Variants in FRRS1L observed in about 807,000 individuals in gnomAD.
The protein encoded by FRRS1L is ferric chelate reductase 1 like.
FRRS1L carries 22 observed loss-of-function variants against 28.6 expected under a neutral mutation model. The ratio of observed to expected loss-of-function variants is 0.77; its 90% CI spans 0.55 to 1.10. The LOEUF (loss-of-function observed/expected upper bound fraction) is 1.10. Ranked by LOEUF, FRRS1L falls within the 50% of genes least tolerant of loss-of-function variation. FRRS1L has a pLI of 0.00. For synonymous variants in FRRS1L, 158 were observed against 151.4 expected (o/e 1.04, Z -0.32); for missense variants, 380 against 386.9 (o/e 0.98, Z 0.15).
intron 1 of FRRS1L, among the ~76,000 whole-genome samples, chr9:109,164,361 T>G (rs1217572784): frequency 6.6e-6 from 1 of 150,970 alleles, no homozygotes; most frequent in African/African-American, 2.4e-5. Context: ...ACATTTCAGA[T>G]AAAGCAGTTG....
At chr9:109,146,225 T>TA (rs1564231023) in intron 3 of FRRS1L, among the ~76,000 whole-genome samples, 4 of 142,962 alleles carry the variant, frequency 2.8e-5, no homozygotes, top group African/African-American at 5.0e-5. Context: ...ACAAATAAAT[T>TA]AAATAAATAA....
At chr9:109,165,759 C>T (rs186426507) in intron 1 of FRRS1L, among the ~76,000 whole-genome samples, 17 of 152,258 alleles carry the variant, frequency 1.1e-4, no homozygotes, top group African/African-American at 3.6e-4. Flanking sequence ...ATGAAACTTC[C>T]GAGTAATCCC....
chr9:109,167,037 A>T lies in FRRS1L; in HGVS notation c.102T>A (p.Gly34=). Reference sequence around the variant, plus strand: ...GGGGTCCCCGGCCCCCCGGGCCCGCACCGTCGTCCGCGGGGCTGGCTGCGC... The same window carrying T: ...GGGGTCCCCGGCCCCCCGGGCCCGCTCCGTCGTCCGCGGGGCTGGCTGCGC... ...AACAASPADD[G]AGPGGRGPRG... is the part of the protein sequence containing the mutation. Residue 34 remains glycine (G), a synonymous_variant, in exon 1 of 5, where the codon GGT becomes GGA. Coordinates refer to ENST00000561981, the MANE Select transcript of FRRS1L (RefSeq NM_014334.4). 8.3e-7 allele frequency: 1 copy of T among 1,200,764 alleles called. No homozygotes were observed. Among genetic ancestry groups the T allele is most frequent in the East Asian group, 3.6e-5 (1 of 27,584 alleles). 74.4% of individuals were successfully genotyped at this position (1,200,764 alleles called of 1,614,324 possible). A position where few individuals can be genotyped will look rare whatever the true frequency, so the allele number is the denominator to read the frequency against.
intron 1 of FRRS1L, chr9:109,152,240 C>G (rs1307465853): frequency 6.6e-6 from 1 of 152,086 alleles, no homozygotes; most frequent in East Asian, 1.9e-4. Flanking sequence ...ACCTCTGCCT[C>G]TTGGGTTCAA....
At chr9:109,154,328 T>C (rs181238103) in intron 1 of FRRS1L, among the ~76,000 whole-genome samples, 1 of 152,366 alleles carries the variant, frequency 6.6e-6, no homozygotes, top group Admixed American at 6.5e-5. Flanking sequence ...GTCCCGCAAC[T>C]TCTTGCTTAG....
chr9:109,141,402 G>A lies in FRRS1L; in HGVS notation c.650C>T (p.Thr217Ile). The A allele has an allele frequency of 6.2e-7, 1 of 1,614,016 alleles. No individual in the cohort carries two copies. The highest frequency in any genetic ancestry group is 8.5e-7 in the Non-Finnish European group (1 of 1,179,928). ...CCAACTCAAATGCAGATCAACAATT[G>A]TTTCATCTCTGGGAACATTCACAGG... ...KRPVNVPRDE[T>I]IVDLHLSWYY... Residue 217 changes from threonine (T) to isoleucine (I), a missense_variant, in exon 4 of 5, where the codon ACA (threonine) becomes ATA (isoleucine). Transcript: ENST00000561981.
intron 4 of FRRS1L, 32 bp from the exon 5 acceptor site, chr9:109,137,659 T>C (rs763038356): frequency 2.1e-6 from 3 of 1,416,514 alleles, no homozygotes; most frequent in Non-Finnish European, 2.9e-6. Flanking sequence ...GCAGGGGCAA[T>C]TGAAAAAAGA....
At chr9:109,156,556 T>C (rs931009390) in intron 1 of FRRS1L, among the ~76,000 whole-genome samples, 18 of 152,144 alleles carry the variant, frequency 1.2e-4, no homozygotes, top group Non-Finnish European at 1.9e-4. Flanking sequence ...GCCCGGCTAA[T>C]TTTTTTGTAC....
intron 4 of FRRS1L, chr9:109,139,459 T>TA (rs1831154211): frequency 1.3e-5 from 2 of 152,246 alleles, no homozygotes; most frequent in African/African-American, 4.8e-5. Context: ...TTCAAATACT[T>TA]GTTTTCACTT....
chr9:109,163,071 C>T (rs1229001052), intron 1 of FRRS1L, among the ~76,000 whole-genome samples: 1 of 152,240 alleles, frequency 6.6e-6, no homozygotes, highest in Non-Finnish European at 1.5e-5. Context: ...ACCTGGCCAT[C>T]TTAGCAGCAG....
chr9:109,143,497 C>G (rs1460471168), intron 3 of FRRS1L, among the ~76,000 whole-genome samples: 1 of 148,050 alleles, frequency 6.8e-6, no homozygotes, highest in Non-Finnish European at 1.5e-5. Flanking sequence ...AACACACACA[C>G]ACGCACACAA....
At chr9:109,161,361 G>A (rs2118511461) in intron 1 of FRRS1L, among the ~76,000 whole-genome samples, 1 of 152,146 alleles carries the variant, frequency 6.6e-6, no homozygotes, top group East Asian at 1.9e-4. Context: ...TATTGGCTTG[G>A]GGGTTTTTTA....
chr9:109,153,568 T>A (rs1831363888), intron 1 of FRRS1L, among the ~76,000 whole-genome samples: 1 of 152,180 alleles, frequency 6.6e-6, no homozygotes, highest in Non-Finnish European at 1.5e-5. Context: ...AATAGCACTT[T>A]TTTTTCCCTG....
At chr9:109,162,741 G>C (rs1831493614) in intron 1 of FRRS1L, among the ~76,000 whole-genome samples, 1 of 152,214 alleles carries the variant, frequency 6.6e-6, no homozygotes, top group Non-Finnish European at 1.5e-5. Flanking sequence ...AGAGTGGTAA[G>C]TTATATATCC....
intron 3 of FRRS1L, 95 bp downstream of exon 3, chr9:109,146,956 T>C (rs1322864641): frequency 6.1e-6 from 7 of 1,149,110 alleles, no homozygotes; most frequent in Non-Finnish European, 8.9e-6. Flanking sequence ...AATTTGATCA[T>C]TATACTGCTT....
In FRRS1L at chr9:109,136,742, C is replaced by G. The variant is rs1026231309; in HGVS notation, c.*713G>C. The G allele has an allele frequency of 6.6e-6, 1 of 152,188 alleles. No homozygotes were observed. The highest frequency in any genetic ancestry group is 2.1e-4 in the South Asian group (1 of 4,832). 9.4% of individuals were successfully genotyped at this position (152,188 alleles called of 1,614,324 possible). On this transcript the variant is annotated 3_prime_UTR_variant, in exon 5 of 5. Transcript: ENST00000561981. ...TTCACCACATTGGCCAGGCTGGTCT[C>G]GAACTCCTGACCTCAGGTGACCTGC...
intron 1 of FRRS1L, 41 bp downstream of exon 1, chr9:109,166,860 G>T (rs1340428289): frequency 1.9e-5 from 2 of 103,566 alleles, no homozygotes; most frequent in Non-Finnish European, 3.1e-5. Flanking sequence ...CCCCACCCCC[G>T]GTCTCCCCTC....
chr9:109,167,167 G>T lies in FRRS1L; in HGVS notation c.-29C>A. The T allele has an allele frequency of 8.7e-7, 1 of 1,145,174 alleles. No individual in the cohort carries two copies. Among genetic ancestry groups the T allele is most frequent in the Non-Finnish European group, 1.1e-6 (1 of 936,112 alleles). 70.9% of individuals were successfully genotyped at this position (1,145,174 alleles called of 1,614,324 possible). On this transcript the variant is annotated 5_prime_UTR_variant, in exon 1 of 5. Coordinates refer to ENST00000561981, the MANE Select transcript of FRRS1L (RefSeq NM_014334.4). ...TGCGCACAGATCCCGCAGCCAGGCC[G>T]CTCGGGCCGCAGCGGGGGCGCCGCG...
chr9:109,154,230 T>G (rs1390388503), intron 1 of FRRS1L, among the ~76,000 whole-genome samples: 1 of 152,206 alleles, frequency 6.6e-6, no homozygotes, highest in Admixed American at 6.5e-5. Context: ...TCTCAAGCCC[T>G]TCTCTTTGCA....
Sources: gnomAD v4.1 joint callset for allele counts (sites outside exome capture counted in the v4.1 genomes callset) on GRCh38, gnomAD v4.1.1 for gene constraint, MANE v1.5 for transcripts, NCBI Gene and HGNC (gene_info 2026-07-23, HGNC 2026-07-21) for gene names.